The following BORCS5 variants were observed in gnomAD, a reference collection of about 807,000 sequenced individuals.
The protein encoded by BORCS5 is BLOC-1-related complex subunit 5.
In BORCS5, 17 loss-of-function variants were observed where a neutral mutation model predicts 22.1. The ratio of observed to expected loss-of-function variants is 0.77; its 90% CI spans 0.53 to 1.15. The LOEUF is 1.15. Ranked by LOEUF, BORCS5 falls within the 50% of genes most tolerant of loss-of-function variation. The pLI is 0.00. For missense variants in BORCS5, 247 were observed against 253.2 expected (o/e 0.98, Z 0.17); for synonymous variants, 117 against 99.8 (o/e 1.17, Z -1.03).
In BORCS5 at chr12:12,457,859, C is replaced by T. The variant is rs563354396; in HGVS notation, c.361-7687C>T. 2.0e-5 allele frequency among the ~76,000 whole-genome samples: 3 copies of T among 152,334 alleles called. No individual in the cohort carries two copies. In the South Asian group the frequency reaches 6.2e-4, roughly 32 times the overall value. The stretch of plus-strand genomic sequence containing the variant: ...TCCAGCTCAGGCAGGACAGCTGCTT[C>T]CCTGAAACAGGGCCCTCTGAGGTTA... On this transcript the variant is annotated intron_variant, in intron 3 of 3. Coordinates refer to ENST00000314565, the MANE Select transcript of BORCS5 (RefSeq NM_058169.6).
Position 12,390,487 on chromosome 12 carries a change from A to C in BORCS5, c.202+29138A>C, listed in dbSNP as rs1319080544. Among the ~76,000 whole-genome samples, 3 of 152,080 alleles carry C rather than the reference A, an allele frequency of 2.0e-5. 1 individual carries two copies. The highest frequency in any genetic ancestry group is 7.3e-5 in the African/African-American group (3 of 41,370). ...TAGAAGGAAGGATAACTAGAAATAC[A>C]GAAAGTTATGGTCAGAAAGCCGGGG... On this transcript the variant is annotated intron_variant, in intron 2 of 3. Transcript: ENST00000314565.
intron 3 of BORCS5, chr12:12,452,552 T>C (rs1942931182): frequency 2.8e-6 from 1 of 356,732 alleles, no homozygotes; most frequent in African/African-American, 2.2e-5. Context: ...CCTCGCCTCG[T>C]GATCTTGCCG....
At position 12,465,613 on chromosome 12, in the gene BORCS5, C is replaced by G. The variant is rs1565944277; in HGVS notation, c.428C>G (p.Ala143Gly). The G allele has an allele frequency of 6.2e-7, 1 of 1,614,270 alleles. No individual in the cohort carries two copies. Among genetic ancestry groups the G allele is most frequent in the Non-Finnish European group, 8.5e-7 (1 of 1,180,044 alleles). Residue 143 changes from alanine to glycine, a missense_variant, in exon 4 of 4, where the codon GCC (alanine) becomes GGC (glycine). Transcript: ENST00000314565. ...CGCCAGAAAAGATACGCCAAGTATG[C>G]CGAGCAGATCCAGAAAGTGAACGAG... The part of the protein sequence containing the change: ...QERQKRYAKY[A>G]EQIQKVNEMS...
At chr12:12,408,142 CTTTT>C (rs570587071) in intron 2 of BORCS5, among the ~76,000 whole-genome samples, 1 of 152,164 alleles carries the variant, frequency 6.6e-6, no homozygotes, top group Non-Finnish European at 1.5e-5. Flanking sequence ...ATTTCATTCT[CTTTT>C]TTAAGGCTGA....
At chr12:12,418,304 C>T (rs1942024636) in intron 2 of BORCS5, among the ~76,000 whole-genome samples, 1 of 151,700 alleles carries the variant, frequency 6.6e-6, no homozygotes, top group South Asian at 2.1e-4. Context: ...TCCCAAAGTG[C>T]TGAGATTACA....
intron 2 of BORCS5, among the ~76,000 whole-genome samples, chr12:12,404,765 C>T (rs1219541546): frequency 6.6e-6 from 1 of 152,188 alleles, no homozygotes; most frequent in Non-Finnish European, 1.5e-5. Context: ...GTGGCATCAT[C>T]TCAGCCCACT....
At chr12:12,407,951 C>A (rs1745428810) in intron 2 of BORCS5, among the ~76,000 whole-genome samples, 1 of 152,096 alleles carries the variant, frequency 6.6e-6, no homozygotes, top group Non-Finnish European at 1.5e-5. Context: ...CTCAAGGGAT[C>A]CTTCCACCTC....
Position 12,402,058 on chromosome 12 carries a change from T to C in BORCS5, c.203-33570T>C, listed in dbSNP as rs915511954. Reference sequence around the variant, plus strand: ...TTCAGCCTGGGCTACAGAGCGAGACTCCGTCTCAAAAAAAAAAAAAAAAAA... The same window carrying C: ...TTCAGCCTGGGCTACAGAGCGAGACCCCGTCTCAAAAAAAAAAAAAAAAAA... On this transcript the variant is annotated intron_variant, in intron 2 of 3. Transcript: ENST00000314565. 4.7e-5 allele frequency among the ~76,000 whole-genome samples: 6 copies of C among 128,776 alleles called. No homozygotes were observed. The East Asian group carries it at 1.1e-3, about 24-fold the overall frequency. 84.5% of individuals were successfully genotyped at this position (128,776 alleles called of 152,430 possible).
Position 12,469,612 on chromosome 12 carries a change from A to G in BORCS5, c.*3836A>G, listed in dbSNP as rs1315390473. 6.6e-6 allele frequency: 1 copy of G among 152,200 alleles called. No individual in the cohort carries two copies. The highest frequency in any genetic ancestry group is 1.5e-5 in the Non-Finnish European group (1 of 68,034). 9.4% of individuals were successfully genotyped at this position (152,200 alleles called of 1,614,324 possible). A position where few individuals can be genotyped will look rare whatever the true frequency, so the allele number is the denominator to read the frequency against. On this transcript the variant is annotated 3_prime_UTR_variant, in exon 4 of 4. Coordinates refer to ENST00000314565, the MANE Select transcript of BORCS5 (RefSeq NM_058169.6). The stretch of plus-strand genomic sequence containing the variant: ...TTTGTAGAACTTACTTAGCTTTGGC[A>G]TTTCCCCTAGTAATTCCCAAGGCAA...
intron 3 of BORCS5, among the ~76,000 whole-genome samples, chr12:12,449,250 C>T (rs561224578): frequency 1.2e-4 from 19 of 152,204 alleles, no homozygotes; most frequent in African/African-American, 2.9e-4. Flanking sequence ...TGGTTACAGA[C>T]GGGGCCTTTT....
At chr12:12,445,529 CTTTTTTTTTTTTTTT>C (rs56356376) in intron 3 of BORCS5, among the ~76,000 whole-genome samples, 1 of 39,010 alleles carries the variant, frequency 2.6e-5, no homozygotes, top group African/African-American at 1.6e-4. Flanking sequence ...TTTGAAATAC[CTTTTTTTTTTTTTTT>C]TTTTTTTTTT....
chr12:12,373,175 T>C (rs939865678), intron 2 of BORCS5, among the ~76,000 whole-genome samples: 1 of 152,164 alleles, frequency 6.6e-6, no homozygotes, highest in Admixed American at 6.6e-5. Context: ...TTCTTAGCCA[T>C]GTGAGGACAC....
chr12:12,381,492 T>TA (rs1863774052), intron 2 of BORCS5, among the ~76,000 whole-genome samples: 1 of 151,308 alleles, frequency 6.6e-6, no homozygotes, highest in Admixed American at 6.6e-5. Flanking sequence ...TCAGCACCTT[T>TA]AAAAAATGAC....
At chr12:12,438,360 C>G (rs1461949126) in intron 3 of BORCS5, among the ~76,000 whole-genome samples, 1 of 23,810 alleles carries the variant, frequency 4.2e-5, no homozygotes, top group African/African-American at 3.5e-4. Context: ...GATTTCATCT[C>G]AAAAAAAAAA....
chr12:12,441,321 G>A (rs1304865583), intron 3 of BORCS5, among the ~76,000 whole-genome samples: 1 of 152,166 alleles, frequency 6.6e-6, no homozygotes, highest in African/African-American at 2.4e-5. Flanking sequence ...GGTTCTGAGC[G>A]TAAACTCCAG....
At chr12:12,411,256 A>G (rs1322188049) in intron 2 of BORCS5, among the ~76,000 whole-genome samples, 1 of 152,150 alleles carries the variant, frequency 6.6e-6, no homozygotes, top group Non-Finnish European at 1.5e-5. Flanking sequence ...AACTTCCAAC[A>G]CTATGTTGAA....
intron 2 of BORCS5, among the ~76,000 whole-genome samples, chr12:12,404,320 A>G (rs1192252759): frequency 6.6e-5 from 10 of 152,232 alleles, no homozygotes; most frequent in African/African-American, 2.4e-4. Flanking sequence ...TAATTTATAA[A>G]GAACAGAAAT....
Position 12,468,701 on chromosome 12 carries a change from G to C in BORCS5, c.*2925G>C, listed in dbSNP as rs1279610170. On this transcript the variant is annotated 3_prime_UTR_variant, in exon 4 of 4. Transcript: ENST00000314565. Reference sequence around the variant, plus strand: ...TCTTCCTTTTAATTATAAATTAGCTGTTCATTGGCTGCTTCTTTCTAGAGC... The same window carrying C: ...TCTTCCTTTTAATTATAAATTAGCTCTTCATTGGCTGCTTCTTTCTAGAGC... The C allele has an allele frequency of 6.6e-6, 1 of 152,134 alleles. No individual in the cohort carries two copies. The highest frequency in any genetic ancestry group is 1.5e-5 in the Non-Finnish European group (1 of 68,040). The allele number at this position is 152,134 out of a possible 1,614,324, so 9.4% of individuals were successfully genotyped here. A position where few individuals can be genotyped will look rare whatever the true frequency, so the allele number is the denominator to read the frequency against.
intron 3 of BORCS5, among the ~76,000 whole-genome samples, chr12:12,450,703 A>G (rs895486402): frequency 1.4e-4 from 21 of 152,238 alleles, no homozygotes; most frequent in African/African-American, 4.1e-4. Context: ...GCAAAAATGG[A>G]GCCGAAAAGC....
Sources: gnomAD v4.1 joint callset for allele counts (sites outside exome capture counted in the v4.1 genomes callset) on GRCh38, gnomAD v4.1.1 for gene constraint, MANE v1.5 for transcripts, NCBI Gene and HGNC (gene_info 2026-07-23, HGNC 2026-07-21) for gene names.